Variants in LHFPL6 observed in about 807,000 individuals in gnomAD.
The protein encoded by LHFPL6 is LHFPL tetraspan subfamily member 6 protein.
Under a neutral mutation model 20.6 loss-of-function variants are expected in LHFPL6, and 9 were observed. That is an observed-to-expected ratio of 0.44 (90% confidence interval 0.26 to 0.76). The LOEUF (loss-of-function observed/expected upper bound fraction) is 0.76, where lower values mean the gene tolerates loss of function less well. Among genes scored for constraint, LHFPL6 ranks in the 30% least tolerant of loss-of-function variants. The probability of loss-of-function intolerance (pLI) is 0.20; values close to 1 mark genes in which losing one functional copy is unlikely to be tolerated. For missense variants in LHFPL6, 218 were observed against 253.5 expected, an observed-to-expected ratio of 0.86 and a Z score of 0.95; for synonymous variants, 105 against 98.7, an observed-to-expected ratio of 1.06 and a Z score of -0.38.
At chr13:39,376,517 T>G (rs1179833999) in intron 3 of LHFPL6, among the ~76,000 whole-genome samples, 1 of 152,216 alleles carries the variant, frequency 6.6e-6, no homozygotes, top group Non-Finnish European at 1.5e-5. Flanking sequence ...GAGCCAGTAT[T>G]ATATTCGACG....
chr13:39,431,724 G>C (rs185345289), intron 2 of LHFPL6, among the ~76,000 whole-genome samples: 2,721 of 146,312 alleles, frequency 0.019, 180 homozygotes, highest in African/African-American at 0.065. Context: ...TTGTGGGGGG[G>C]GGGGGCTTCC....
intron 2 of LHFPL6, among the ~76,000 whole-genome samples, chr13:39,587,405 T>C (rs924317706): frequency 6.6e-6 from 1 of 152,174 alleles, no homozygotes; most frequent in Non-Finnish European, 1.5e-5. Context: ...GCACCTCTGC[T>C]GTGACGCCTT....
At chr13:39,429,970 T>G (rs151230050) in intron 2 of LHFPL6, among the ~76,000 whole-genome samples, 150 of 152,370 alleles carry the variant, frequency 9.8e-4, no homozygotes, top group African/African-American at 3.4e-3. Context: ...CAACACTAAC[T>G]ACTCCTTCTC....
intron 2 of LHFPL6, among the ~76,000 whole-genome samples, chr13:39,532,403 C>T (rs1211591116): frequency 6.6e-6 from 1 of 152,144 alleles, no homozygotes; most frequent in Admixed American, 6.6e-5. Context: ...GGCTGTATCA[C>T]TATTTTTTCC....
chr13:39,505,791 C>T (rs1289829171), intron 2 of LHFPL6, among the ~76,000 whole-genome samples: 1 of 152,158 alleles, frequency 6.6e-6, no homozygotes, highest in Non-Finnish European at 1.5e-5. Flanking sequence ...GGTCTGTACC[C>T]ACTACAGATT....
chr13:39,481,761 G>A (rs1868535527), intron 2 of LHFPL6, among the ~76,000 whole-genome samples: 1 of 152,184 alleles, frequency 6.6e-6, no homozygotes, highest in African/African-American at 2.4e-5. Context: ...AGGGTAATGA[G>A]TTGACATTTT....
chr13:39,599,911 T>A (rs564070763), intron 2 of LHFPL6, among the ~76,000 whole-genome samples: 1 of 152,302 alleles, frequency 6.6e-6, no homozygotes, highest in African/African-American at 2.4e-5. Context: ...CCAAATACAT[T>A]GTATAAGTTT....
chr13:39,554,608 C>G (rs775972495), intron 2 of LHFPL6, among the ~76,000 whole-genome samples: 4 of 152,186 alleles, frequency 2.6e-5, no homozygotes, highest in Admixed American at 6.5e-5. Context: ...ACAGACCAGA[C>G]TTTTTCACAT....
chr13:39,540,309 T>C (rs1870758635), intron 2 of LHFPL6, among the ~76,000 whole-genome samples: 1 of 152,178 alleles, frequency 6.6e-6, no homozygotes, highest in Non-Finnish European at 1.5e-5. Context: ...ATGTATTAGT[T>C]AGGAGTCTTA....
chr13:39,402,494 T>G (rs1490817355), intron 2 of LHFPL6, among the ~76,000 whole-genome samples: 1 of 152,176 alleles, frequency 6.6e-6, no homozygotes, highest in Non-Finnish European at 1.5e-5. Flanking sequence ...CCTCCCACAG[T>G]GGTAGGATTA....
intron 2 of LHFPL6, among the ~76,000 whole-genome samples, chr13:39,534,566 T>C (rs2138497989): frequency 6.6e-6 from 1 of 152,302 alleles, no homozygotes; most frequent in Non-Finnish European, 1.5e-5. Context: ...ATCCAAAATG[T>C]GTAAATAGCA....
At chr13:39,569,347 T>C (rs538106926) in intron 2 of LHFPL6, among the ~76,000 whole-genome samples, 26 of 152,188 alleles carry the variant, frequency 1.7e-4, no homozygotes, top group African/African-American at 6.3e-4. Context: ...CAATTAATGA[T>C]GACAAGGACT....
chr13:39,569,129 G>GGATA (rs1190608874), intron 2 of LHFPL6, among the ~76,000 whole-genome samples: 1 of 49,370 alleles, frequency 2.0e-5, no homozygotes, highest in Non-Finnish European at 4.1e-5. Context: ...TAGTAAACAC[G>GGATA]GATGGATGGA....
intron 2 of LHFPL6, among the ~76,000 whole-genome samples, chr13:39,423,672 G>T (rs1012235232): frequency 1.6e-4 from 25 of 152,166 alleles, no homozygotes; most frequent in Admixed American, 4.6e-4. Context: ...GTGATCCCAG[G>T]CATAGGAATC....
chr13:39,500,693 G>T (rs908775566), intron 2 of LHFPL6, among the ~76,000 whole-genome samples: 2 of 152,146 alleles, frequency 1.3e-5, no homozygotes, highest in East Asian at 1.9e-4. Context: ...CCCATGAATT[G>T]TATATTAAAT....
chr13:39,425,895 C>CA (rs1291339748), intron 2 of LHFPL6, among the ~76,000 whole-genome samples: 1 of 152,096 alleles, frequency 6.6e-6, no homozygotes, highest in Non-Finnish European at 1.5e-5. Context: ...CTCCTGCCCT[C>CA]AAGTGACCCT....
intron 3 of LHFPL6, among the ~76,000 whole-genome samples, chr13:39,345,769 C>T (rs1435008912): frequency 1.3e-5 from 2 of 152,062 alleles, no homozygotes; most frequent in Admixed American, 6.6e-5. Flanking sequence ...CAAGTTTTGG[C>T]AAGGAAGTGT....
intron 2 of LHFPL6, among the ~76,000 whole-genome samples, chr13:39,500,556 C>G (rs1246838387): frequency 1.3e-5 from 2 of 152,090 alleles, no homozygotes; most frequent in African/African-American, 4.8e-5. Flanking sequence ...TGCCCGGCCC[C>G]CATCTCAATT....
chr13:39,397,141 A>G (rs1040108608), intron 2 of LHFPL6, among the ~76,000 whole-genome samples: 1 of 152,036 alleles, frequency 6.6e-6, no homozygotes, highest in Non-Finnish European at 1.5e-5. Context: ...CTCTTAGGCA[A>G]TAAGTTAATA....
Sources: gnomAD v4.1 joint callset for allele counts (sites outside exome capture counted in the v4.1 genomes callset) on GRCh38, gnomAD v4.1.1 for gene constraint, MANE v1.5 for transcripts, NCBI Gene and HGNC (gene_info 2026-07-23, HGNC 2026-07-21) for gene names.